FBLN7: variants seen among roughly 807,000 people sequenced by gnomAD.
The protein encoded by FBLN7 is fibulin-7.
A neutral mutation model predicts 44.0 loss-of-function variants in FBLN7; 31 were observed. The observed-to-expected ratio is 0.70, with a 90% confidence interval of 0.53 to 0.95. The LOEUF (loss-of-function observed/expected upper bound fraction) is 0.95, where lower values mean the gene tolerates loss of function less well. Ranked by LOEUF, FBLN7 falls within the 40% of genes least tolerant of loss-of-function variation. The probability of loss-of-function intolerance (pLI) is 0.00; values close to 1 mark genes in which losing one functional copy is unlikely to be tolerated. For synonymous variants in FBLN7, 262 were observed against 253.4 expected, an observed-to-expected ratio of 1.03 and a Z score of -0.32; for missense variants, 573 against 618.5, an observed-to-expected ratio of 0.93 and a Z score of 0.78.
intron 3 of FBLN7, among the ~76,000 whole-genome samples, chr2:112,171,719 A>T (rs1257748483): frequency 2.2e-4 from 33 of 152,090 alleles, no homozygotes; most frequent in Admixed American, 2.2e-3. Context: ...AACGTGAGCA[A>T]TTTTTCATTA....
At chr2:112,206,727 T>C in the FBLN7 span, among the ~76,000 whole-genome samples, 1 of 149,780 alleles carries the variant, frequency 6.7e-6, no homozygotes, top group African/African-American at 2.5e-5. Flanking sequence ...ATCTTTCTTA[T>C]TGACTGTTTT....
chr2:112,142,776 G>GTGTGTA (rs1417557089), intron 1 of FBLN7, among the ~76,000 whole-genome samples: 30 of 152,196 alleles, frequency 2.0e-4, no homozygotes, highest in African/African-American at 7.2e-4. Flanking sequence ...GTTTGTGTGT[G>GTGTGTA]TGTGTGTCAA....
chr2:112,239,534 A>C, the FBLN7 span, among the ~76,000 whole-genome samples: 1 of 151,786 alleles, frequency 6.6e-6, no homozygotes, highest in African/African-American at 2.4e-5. Flanking sequence ...AAAACAGAAG[A>C]ATCGCTATTA....
rs1683281628 is a variant in FBLN7, at chr2:112,186,623, G to C, written c.948-511G>C. ...CCATTGCACTCCAGCCTGGGCGACA[G>C]AGTGAGACTCTGTCTAAAAATAAAT... is the stretch of plus-strand genomic sequence containing the variant. On this transcript the variant is annotated intron_variant, in intron 7 of 7. Transcript: ENST00000331203. Among the ~76,000 whole-genome samples, 4 of 152,270 alleles carry C rather than the reference G, an allele frequency of 2.6e-5. No homozygotes were observed. In the South Asian group the frequency reaches 6.2e-4, roughly 24 times the overall value.
chr2:112,196,104 T>A, the FBLN7 span, among the ~76,000 whole-genome samples: 1 of 152,200 alleles, frequency 6.6e-6, no homozygotes, highest in Non-Finnish European at 1.5e-5. Flanking sequence ...AGCTCAGGTG[T>A]CTGAGTGATC....
chr2:112,161,548 C>T (rs7565741), intron 2 of FBLN7, among the ~76,000 whole-genome samples: 4,754 of 152,216 alleles, frequency 0.031, 243 homozygotes, highest in African/African-American at 0.1. Flanking sequence ...AGTAAGTTAG[C>T]GGTCAAGGCC....
intron 5 of FBLN7, 42 bp downstream of exon 5, chr2:112,181,918 AG>A (rs2104603657): frequency 6.6e-7 from 1 of 1,522,154 alleles, no homozygotes; most frequent in Admixed American, 2.1e-5. Flanking sequence ...CAGCACGGGG[AG>A]GACATGGGGC....
chr2:112,186,859 A>C (rs1437583333), intron 7 of FBLN7, among the ~76,000 whole-genome samples: 1 of 152,212 alleles, frequency 6.6e-6, no homozygotes, highest in Admixed American at 6.5e-5. Context: ...TGATAGTAAT[A>C]GCATAAATAA....
intron 4 of FBLN7, among the ~76,000 whole-genome samples, chr2:112,180,766 C>CA (rs1213895830): frequency 6.6e-6 from 1 of 151,450 alleles, no homozygotes; most frequent in Non-Finnish European, 1.5e-5. Context: ...TAAAAAAATA[C>CA]AAAAAAATTT....
the FBLN7 span, among the ~76,000 whole-genome samples, chr2:112,197,272 CACAGAGAGAGAGAGAGAG>C: frequency 1.8e-4 from 22 of 119,840 alleles, no homozygotes; most frequent in African/African-American, 6.0e-4. Flanking sequence ...CACACACACA[CACAGAGAGAGAGAGAGAG>C]AGAGAGAGAG....
chr2:112,236,713 A>AT, the FBLN7 span: 1 of 1,580,968 alleles, frequency 6.3e-7, no homozygotes, highest in South Asian at 1.1e-5. Flanking sequence ...CAAAAAATTA[A>AT]TTTAAAAAAT....
At chr2:112,233,694 C>A in the FBLN7 span, among the ~76,000 whole-genome samples, 1 of 151,996 alleles carries the variant, frequency 6.6e-6, no homozygotes, top group Non-Finnish European at 1.5e-5. Context: ...GGTGAAACCT[C>A]GTCCCTACTA....
At chr2:112,146,880 A>G (rs930257569) in intron 1 of FBLN7, among the ~76,000 whole-genome samples, 2 of 152,172 alleles carry the variant, frequency 1.3e-5, no homozygotes, top group Admixed American at 1.3e-4. Flanking sequence ...TTGTTCTAGA[A>G]CTTAGGAAGA....
At chr2:112,139,151 C>G (rs371191731) in intron 1 of FBLN7, among the ~76,000 whole-genome samples, 10 of 62,012 alleles carry the variant, frequency 1.6e-4, no homozygotes, top group East Asian at 5.2e-4. Flanking sequence ...CCTCTCTCCA[C>G]GCCAGTGTCC....
At chr2:112,197,851 C>T in the FBLN7 span, among the ~76,000 whole-genome samples, 1 of 152,134 alleles carries the variant, frequency 6.6e-6, no homozygotes, top group Admixed American at 6.5e-5. Context: ...TTTCAAACAT[C>T]GTGGACTTTT....
chr2:112,169,812 A>G (rs1682355247), intron 3 of FBLN7, among the ~76,000 whole-genome samples: 1 of 152,208 alleles, frequency 6.6e-6, no homozygotes, highest in African/African-American at 2.4e-5. Flanking sequence ...CAAGGGACAG[A>G]GTAAACAGCA....
the FBLN7 span, among the ~76,000 whole-genome samples, chr2:112,224,059 A>AGC: frequency 6.6e-6 from 1 of 152,164 alleles, no homozygotes; most frequent in Non-Finnish European, 1.5e-5. Flanking sequence ...GAATCGCTTC[A>AGC]GCCTGGGAGG....
At position 112,164,997 on chromosome 2, in the gene FBLN7, A is replaced by G. The variant is rs749337776; in HGVS notation, c.236-4A>G. ...GCTCGTAATCCTTCCATCTCTCCTTACAGTTTCCTGCCCGGCTCTGAACAC... is the reference window on the plus strand; with the variant it reads ...GCTCGTAATCCTTCCATCTCTCCTTGCAGTTTCCTGCCCGGCTCTGAACAC... On this transcript the variant is annotated splice_region_variant and splice_polypyrimidine_tract_variant and intron_variant, in intron 2 of 7. Coordinates refer to ENST00000331203, the MANE Select transcript of FBLN7 (RefSeq NM_153214.3). 2 of 1,613,652 alleles carry G rather than the reference A, an allele frequency of 1.2e-6. No individual in the cohort carries two copies. Among genetic ancestry groups the G allele is most frequent in the African/African-American group, 2.7e-5 (2 of 75,022 alleles).
At chr2:112,207,258 G>A in the FBLN7 span, among the ~76,000 whole-genome samples, 1 of 152,180 alleles carries the variant, frequency 6.6e-6, no homozygotes, top group Admixed American at 6.5e-5. Flanking sequence ...CCTGAGGTCA[G>A]GAGTTCAAGA....
Sources: gnomAD v4.1 joint callset for allele counts (sites outside exome capture counted in the v4.1 genomes callset) on GRCh38, gnomAD v4.1.1 for gene constraint, MANE v1.5 for transcripts, NCBI Gene and HGNC (gene_info 2026-07-23, HGNC 2026-07-21) for gene names.